Variants in MINDY4 observed in about 807,000 individuals in gnomAD.
MINDY4 encodes the protein probable ubiquitin carboxyl-terminal hydrolase MINDY-4.
MINDY4 carries 68 observed loss-of-function variants against 87.0 expected under a neutral mutation model. The observed-to-expected ratio is 0.78, with a 90% CI of 0.64 to 0.96. The LOEUF is 0.96. MINDY4 is among the 40% of genes least tolerant of loss of function. The pLI is 0.00. For missense variants in MINDY4, 919 were observed against 928.2 expected, an observed-to-expected ratio of 0.99 and a Z score of 0.13; for synonymous variants, 379 against 363.2, an observed-to-expected ratio of 1.04 and a Z score of -0.50.
chr7:30,882,372 T>TCCCCCCCCCCCCCCCCCC lies in MINDY4; in HGVS notation c.2152+12_2152+13insCCCCCCCCCCCCCCCCCC, dbSNP rs1389430858. On this transcript the variant is annotated intron_variant, in intron 16 of 17. Coordinates refer to ENST00000265299, the MANE Select transcript of MINDY4 (RefSeq NM_032222.3). ...TCCGGCTGACCATTGGTGCGGGCCC[T>TCCCCCCCCCCCCCCCCCC]CACCCCCCCACCCACCCAACCCTGT... The TCCCCCCCCCCCCCCCCCC allele has an allele frequency of 1.3e-6, 2 of 1,521,436 alleles. No homozygotes were observed. The highest frequency in any genetic ancestry group is 1.9e-5 in the Admixed American group (1 of 51,866). The allele number at this position is 1,521,436 out of a possible 1,614,324, so 94.2% of individuals were successfully genotyped here.
At chr7:30,814,082 C>T (rs6971186) in intron 5 of MINDY4, among the ~76,000 whole-genome samples, 54,999 of 152,052 alleles carry the variant, frequency 0.36, 12,544 homozygotes, top group African/African-American at 0.63. Context: ...GGAGGACCAG[C>T]GTCAGGTTCA....
chr7:30,845,984 C>T (rs1288978759), intron 9 of MINDY4, among the ~76,000 whole-genome samples: 1 of 152,224 alleles, frequency 6.6e-6, no homozygotes. Context: ...CTTGATCCCC[C>T]TGAAGGCCTG....
At chr7:30,775,128 A>G (rs1349541758) in intron 1 of MINDY4, among the ~76,000 whole-genome samples, 1 of 152,054 alleles carries the variant, frequency 6.6e-6, no homozygotes, top group Non-Finnish European at 1.5e-5. Context: ...CCAGACACCA[A>G]TTGGGTGTCG....
chr7:30,802,281 C>G (rs1306467723), intron 5 of MINDY4, among the ~76,000 whole-genome samples: 1 of 151,682 alleles, frequency 6.6e-6, no homozygotes, highest in Non-Finnish European at 1.5e-5. Context: ...AGGAGCTACT[C>G]ACTCTCACAG....
At chr7:30,878,279 TGG>T (rs1790341632) in intron 15 of MINDY4, among the ~76,000 whole-genome samples, 1 of 152,200 alleles carries the variant, frequency 6.6e-6, no homozygotes, top group Admixed American at 6.5e-5. Flanking sequence ...CACTGCAGCC[TGG>T]GGTTCTGGGG....
chr7:30,860,064 C>A (rs1218303448), intron 13 of MINDY4, among the ~76,000 whole-genome samples: 1 of 152,162 alleles, frequency 6.6e-6, no homozygotes, highest in Non-Finnish European at 1.5e-5. Context: ...CATTCACTTT[C>A]AAGCAGAGGA....
At chr7:30,817,533 G>A (rs1171257381) in intron 5 of MINDY4, among the ~76,000 whole-genome samples, 1 of 152,146 alleles carries the variant, frequency 6.6e-6, no homozygotes, top group African/African-American at 2.4e-5. Flanking sequence ...AGTCACTGAT[G>A]GAAGCGAGGA....
intron 5 of MINDY4, among the ~76,000 whole-genome samples, chr7:30,820,780 T>C (rs1456166822): frequency 1.3e-5 from 2 of 152,234 alleles, no homozygotes; most frequent in Admixed American, 1.3e-4. Flanking sequence ...TTTTGGTTAT[T>C]GTAAATAGTG....
At chr7:30,841,738 G>A (rs1244165562) in intron 9 of MINDY4, among the ~76,000 whole-genome samples, 1 of 152,092 alleles carries the variant, frequency 6.6e-6, no homozygotes, top group Non-Finnish European at 1.5e-5. Flanking sequence ...TGAACACATT[G>A]TCTAGATTAA....
intron 8 of MINDY4, among the ~76,000 whole-genome samples, chr7:30,840,471 T>C (rs1246853294): frequency 6.6e-6 from 1 of 152,194 alleles, no homozygotes; most frequent in African/African-American, 2.4e-5. Flanking sequence ...AGAAAACCTA[T>C]GGTGATGTCC....
chr7:30,790,446 G>A (rs1014808483), intron 4 of MINDY4, among the ~76,000 whole-genome samples: 2 of 142,924 alleles, frequency 1.4e-5, no homozygotes, highest in African/African-American at 2.7e-5. Flanking sequence ...AGAGGTTTTG[G>A]GATTTATTTA....
chr7:30,889,517 G>A (rs2128583951), intron 17 of MINDY4, among the ~76,000 whole-genome samples: 1 of 152,314 alleles, frequency 6.6e-6, no homozygotes, highest in South Asian at 2.1e-4. Context: ...GGAGAAGTCT[G>A]ACTTCACCAA....
intron 6 of MINDY4, among the ~76,000 whole-genome samples, chr7:30,831,505 G>A (rs1465414260): frequency 6.6e-6 from 1 of 152,200 alleles, no homozygotes; most frequent in Non-Finnish European, 1.5e-5. Flanking sequence ...CAACAGGGGG[G>A]CAGGATATGA....
intron 5 of MINDY4, among the ~76,000 whole-genome samples, chr7:30,825,918 G>C (rs6969230): frequency 0.087 from 13,251 of 152,254 alleles, 644 homozygotes; most frequent in South Asian, 0.19. Flanking sequence ...TCAAGGTGTT[G>C]AAAGGGCTGG....
At chr7:30,853,355 G>A in intron 11 of MINDY4, 39 bp from the exon 12 acceptor site, 1 of 1,576,364 alleles carries the variant, frequency 6.3e-7, no homozygotes, top group East Asian at 2.2e-5. Flanking sequence ...CACTGCGTGG[G>A]GCTTGGGCCA....
At chr7:30,831,422 G>A (rs964987140) in intron 6 of MINDY4, among the ~76,000 whole-genome samples, 2 of 152,014 alleles carry the variant, frequency 1.3e-5, no homozygotes, top group African/African-American at 4.8e-5. Context: ...GTCCATCATG[G>A]GTGCTAAAGA....
In MINDY4 at chr7:30,782,338, ATGTT is replaced by A. The variant is rs902887508; in HGVS notation, c.419+130_419+133del. On this transcript the variant is annotated intron_variant, in intron 3 of 17. Coordinates refer to ENST00000265299, the MANE Select transcript of MINDY4 (RefSeq NM_032222.3). ...GAATCAATATAGTCTCTGTGTGTGT[ATGTT>A]TGTGTGTGTGTGTGTGTGTGTGTGT... is the stretch of plus-strand genomic sequence containing the variant. The A allele has an allele frequency of 3.0e-3, 1,921 of 636,902 alleles. 5 individuals carry two copies. The highest frequency in any genetic ancestry group is 0.021 in the East Asian group (657 of 31,096). 39.5% of individuals were successfully genotyped at this position (636,902 alleles called of 1,614,324 possible). A position where few individuals can be genotyped will look rare whatever the true frequency, so the allele number is the denominator to read the frequency against.
At chr7:30,861,853 A>G (rs535774640) in intron 13 of MINDY4, among the ~76,000 whole-genome samples, 6 of 152,324 alleles carry the variant, frequency 3.9e-5, no homozygotes, top group East Asian at 3.9e-4. Context: ...ATGTCCGGCA[A>G]TTCCTGATGG....
In MINDY4 at chr7:30,839,215, CTGTTTGG is replaced by C; in HGVS notation, c.1257_1263del (p.Phe420ProfsTer23). ...CTTTTTATAGGAAATAAAGACCCTTCTGTTTGGTTCCAGCTTTTGCTGTTTCAATGAA... is the reference window on the plus strand; with the variant it reads ...CTTTTTATAGGAAATAAAGACCCTTCTTCCAGCTTTTGCTGTTTCAATGAA... On this transcript the variant is annotated frameshift_variant, in exon 8 of 18. Transcript: ENST00000265299. LOFTEE classifies it high-confidence loss of function. 1 of 1,606,048 alleles carries C rather than the reference CTGTTTGG, an allele frequency of 6.2e-7. No individual in the cohort carries two copies. The highest frequency in any genetic ancestry group is 8.5e-7 in the Non-Finnish European group (1 of 1,177,258).
Sources: gnomAD v4.1 joint callset for allele counts (sites outside exome capture counted in the v4.1 genomes callset) on GRCh38, gnomAD v4.1.1 for gene constraint, MANE v1.5 for transcripts, NCBI Gene and HGNC (gene_info 2026-07-23, HGNC 2026-07-21) for gene names.